The following PCGF5 variants were observed in gnomAD, a reference collection of about 807,000 sequenced individuals.
PCGF5 encodes the protein polycomb group ring finger 5, also known as polycomb group RING finger protein 5.
In PCGF5, 9 loss-of-function variants were observed where a neutral mutation model predicts 44.3. That is an observed-to-expected ratio of 0.20 (90% CI 0.12 to 0.35). The LOEUF is 0.35. Among genes scored for constraint, PCGF5 ranks in the 10% least tolerant of loss-of-function variants. The pLI, the probability that PCGF5 is intolerant of heterozygous loss-of-function variation, is 1.00. For missense variants in PCGF5, 146 were observed against 305.3 expected (o/e 0.48, Z 3.89); for synonymous variants, 95 against 102.5 (o/e 0.93, Z 0.44).
intron 6 of PCGF5, among the ~76,000 whole-genome samples, chr10:91,257,011 A>G (rs190018927): frequency 2.6e-5 from 4 of 152,254 alleles, no homozygotes; most frequent in African/African-American, 9.6e-5. Flanking sequence ...ATCAAAGGAC[A>G]CTTAAAGTGA....
intron 2 of PCGF5, among the ~76,000 whole-genome samples, chr10:91,238,043 C>A: frequency 6.6e-6 from 1 of 152,134 alleles, no homozygotes; most frequent in East Asian, 1.9e-4. Flanking sequence ...TACATTTAAC[C>A]CAATATCTCT....
chr10:91,216,211 G>T (rs1292777973), upstream of PCGF5, among the ~76,000 whole-genome samples: 1 of 152,196 alleles, frequency 6.6e-6, no homozygotes, highest in Non-Finnish European at 1.5e-5. Context: ...TATGAATATG[G>T]TCTGTGTGTA....
intron 2 of PCGF5, among the ~76,000 whole-genome samples, chr10:91,236,374 A>G (rs778095056): frequency 6.6e-6 from 1 of 152,204 alleles, no homozygotes; most frequent in Non-Finnish European, 1.5e-5. Flanking sequence ...TGCTCATTAA[A>G]TATTAGCTAA....
At chr10:91,168,929 G>GAAAAA (rs57345364) in intron 1 of PCGF5, among the ~76,000 whole-genome samples, 9 of 56,166 alleles carry the variant, frequency 1.6e-4, no homozygotes, top group East Asian at 5.4e-4. Context: ...CTCCGTCTCA[G>GAAAAA]AAAAAAAAAA....
At position 91,229,238 on chromosome 10, in the gene PCGF5, T is replaced by G. The variant is rs76157711; in HGVS notation, c.112+6255T>G. Among the ~76,000 whole-genome samples, 338 of 152,286 alleles carry G rather than the reference T, an allele frequency of 2.2e-3. 16 individuals carry two copies. The East Asian group carries it at 0.057, about 26-fold the overall frequency. ...CTAGCCACTGCAACACAGCAATAAA[T>G]AGAACAGGCATAGTCTGTGCCCTCC... On this transcript the variant is annotated intron_variant, in intron 2 of 9. Coordinates refer to ENST00000336126, the MANE Select transcript of PCGF5 (RefSeq NM_032373.5).
At chr10:91,234,363 G>T (rs1045786747) in intron 2 of PCGF5, among the ~76,000 whole-genome samples, 2 of 152,138 alleles carry the variant, frequency 1.3e-5, no homozygotes, top group South Asian at 2.1e-4. Context: ...GAAAAGCATT[G>T]GTCAATCTTG....
chr10:91,214,513 C>G (rs1844508109), intron 1 of PCGF5, among the ~76,000 whole-genome samples: 1 of 152,122 alleles, frequency 6.6e-6, no homozygotes, highest in Non-Finnish European at 1.5e-5. Flanking sequence ...GGGAACTGAT[C>G]AAATTCAAAA....
chr10:91,233,848 G>A (rs1845077922), intron 2 of PCGF5, among the ~76,000 whole-genome samples: 1 of 152,188 alleles, frequency 6.6e-6, no homozygotes, highest in Admixed American at 6.5e-5. Context: ...ATGCATCTAA[G>A]TTGACAGATA....
intron 3 of PCGF5, among the ~76,000 whole-genome samples, chr10:91,241,321 G>A (rs569922434): frequency 1.9e-4 from 29 of 151,964 alleles, no homozygotes; most frequent in African/African-American, 4.3e-4. Flanking sequence ...TGCCTGCCTC[G>A]GCCTCCCAAA....
intron 3 of PCGF5, 69 bp from the exon 4 acceptor site, chr10:91,248,436 C>T: frequency 1.5e-6 from 2 of 1,344,532 alleles, no homozygotes; most frequent in Non-Finnish European, 2.1e-6. Context: ...GATTATACAT[C>T]TCAGACTATT....
upstream of PCGF5, chr10:91,220,580 G>GGCGTGGC (rs1292805849): frequency 6.7e-6 from 1 of 150,224 alleles, no homozygotes; most frequent in African/African-American, 2.4e-5. Context: ...GGGCGGCGGG[G>GGCGTGGC]CGGGCGGTGC....
intron 1 of PCGF5, among the ~76,000 whole-genome samples, chr10:91,215,135 A>G (rs896898491): frequency 1.3e-4 from 20 of 152,228 alleles, no homozygotes; most frequent in African/African-American, 4.6e-4. Context: ...ATATCATTGT[A>G]AGTTGTTCAA....
At chr10:91,250,873 A>G (rs1054490209) in intron 5 of PCGF5, among the ~76,000 whole-genome samples, 18 of 151,240 alleles carry the variant, frequency 1.2e-4, no homozygotes, top group Non-Finnish European at 1.5e-5. Flanking sequence ...ATCATTTGAA[A>G]AGTATTTGGT....
intron 6 of PCGF5, among the ~76,000 whole-genome samples, chr10:91,259,058 G>A (rs1427345852): frequency 2.6e-5 from 4 of 152,062 alleles, no homozygotes; most frequent in South Asian, 2.1e-4. Context: ...ATATTGGTTC[G>A]TGTTTATTAT....
At chr10:91,252,390 C>T (rs181986611) in intron 6 of PCGF5, among the ~76,000 whole-genome samples, 6 of 151,996 alleles carry the variant, frequency 3.9e-5, no homozygotes, top group Admixed American at 2.6e-4. Flanking sequence ...ATTAAGTTTT[C>T]CTGGCATCTT....
At chr10:91,227,727 CT>C (rs1844886249) in intron 2 of PCGF5, 1 of 1,005,442 alleles carries the variant, frequency 9.9e-7, no homozygotes. Context: ...ATTAAAGCTA[CT>C]TAGTGGTGAC....
chr10:91,160,799 G>T (rs1343301110), upstream of PCGF5, among the ~76,000 whole-genome samples: 1 of 152,184 alleles, frequency 6.6e-6, no homozygotes, highest in Non-Finnish European at 1.5e-5. Context: ...CAAGTAAGAA[G>T]GAGAGAATTC....
chr10:91,179,058 T>C (rs192889098), intron 1 of PCGF5, among the ~76,000 whole-genome samples: 14 of 152,370 alleles, frequency 9.2e-5, no homozygotes, highest in Admixed American at 6.5e-4. Context: ...GCTTGCTAGC[T>C]GCTTCTGATA....
At chr10:91,278,205 AT>A (rs1846363143) in intron 9 of PCGF5, 63 bp from the exon 10 acceptor site, 30 of 1,320,092 alleles carry the variant, frequency 2.3e-5, no homozygotes, top group Non-Finnish European at 3.2e-5. Flanking sequence ...AAAATCTTTC[AT>A]ATATAAACTG....
Sources: gnomAD v4.1 joint callset for allele counts (sites outside exome capture counted in the v4.1 genomes callset) on GRCh38, gnomAD v4.1.1 for gene constraint, MANE v1.5 for transcripts, NCBI Gene and HGNC (gene_info 2026-07-23, HGNC 2026-07-21) for gene names.